Variants in SEPTIN7 observed in about 807,000 individuals in gnomAD.
SEPTIN7 encodes septin-7.
SEPTIN7 carries 10 observed loss-of-function variants against 63.3 expected under a neutral mutation model. That is an observed-to-expected ratio of 0.16 (90% CI 0.10 to 0.27). The LOEUF is 0.27. Among genes scored for constraint, SEPTIN7 ranks in the 10% least tolerant of loss-of-function variants. The probability of loss-of-function intolerance (pLI) is 1.00; values close to 1 mark genes in which losing one functional copy is unlikely to be tolerated. For missense variants in SEPTIN7, 310 were observed against 521.0 expected (o/e 0.59, Z 3.94); for synonymous variants, 131 against 165.3 (o/e 0.79, Z 1.59).
At chr7:35,809,005 T>C (rs1788533706) in intron 1 of SEPTIN7, among the ~76,000 whole-genome samples, 1 of 152,240 alleles carries the variant, frequency 6.6e-6, no homozygotes, top group African/African-American at 2.4e-5. Flanking sequence ...AGTTGTAGTA[T>C]TGACATTGTC....
At chr7:35,889,405 A>G (rs1309302596) in intron 10 of SEPTIN7, among the ~76,000 whole-genome samples, 1 of 152,212 alleles carries the variant, frequency 6.6e-6, no homozygotes, top group Non-Finnish European at 1.5e-5. Context: ...AGAGAATTGC[A>G]TGGAAATGTC....
intron 3 of SEPTIN7, among the ~76,000 whole-genome samples, chr7:35,833,725 A>G (rs1783945980): frequency 6.6e-6 from 1 of 152,050 alleles, no homozygotes; most frequent in South Asian, 2.1e-4. Context: ...CTTAACAAAG[A>G]AAGTTGAGTT....
In SEPTIN7 at chr7:35,838,289, CT is replaced by C. The variant is rs1784192543; in HGVS notation, c.169+5391del. On this transcript the variant is annotated intron_variant, in intron 3 of 13. Transcript: ENST00000350320. The stretch of plus-strand genomic sequence containing the variant: ...CCTTCCTTCCTTCCTTCCTTCCTTC[CT>C]TCCTTCCTTCCTTCCCTCCCTCCCT... Among the ~76,000 whole-genome samples the C allele has an allele frequency of 5.1e-4, 8 of 15,784 alleles. 1 individual carries two copies. The highest frequency in any genetic ancestry group is 4.2e-3 in the Admixed American group (8 of 1,904). The allele number at this position is 15,784 out of a possible 152,430, so 10.4% of individuals were successfully genotyped here.
At chr7:35,805,290 T>C (rs1296460943) in intron 1 of SEPTIN7, among the ~76,000 whole-genome samples, 3 of 152,208 alleles carry the variant, frequency 2.0e-5, no homozygotes, top group Non-Finnish European at 1.5e-5. Context: ...AGTAATCTTA[T>C]GGGACTACTG....
At chr7:35,823,589 T>A (rs1320013675) in intron 1 of SEPTIN7, among the ~76,000 whole-genome samples, 2 of 152,214 alleles carry the variant, frequency 1.3e-5, no homozygotes, top group East Asian at 3.8e-4. Flanking sequence ...TCTGTATTTG[T>A]CATCTCTCTT....
In SEPTIN7 at chr7:35,873,788, A is replaced by G. The variant is rs777859213; in HGVS notation, c.512+13A>G. The stretch of plus-strand genomic sequence containing the variant: ...CTTCAGGACATGGGTCAGTACCTTG[A>G]TACTTCTGATTCCTTTTTTGTTGTT... On this transcript the variant is annotated intron_variant, in intron 6 of 13. Transcript: ENST00000350320. 1 of 1,605,914 alleles carries G rather than the reference A, an allele frequency of 6.2e-7. No homozygotes were observed. The highest frequency in any genetic ancestry group is 1.7e-5 in the Admixed American group (1 of 59,156).
At chr7:35,890,279 A>G (rs772499116) in intron 10 of SEPTIN7, among the ~76,000 whole-genome samples, 2 of 152,166 alleles carry the variant, frequency 1.3e-5, no homozygotes, top group Non-Finnish European at 2.9e-5. Flanking sequence ...ATATTACCTT[A>G]GTAATATTGC....
intron 6 of SEPTIN7, among the ~76,000 whole-genome samples, chr7:35,876,034 G>A (rs190269457): frequency 6.6e-6 from 1 of 152,230 alleles, no homozygotes; most frequent in East Asian, 1.9e-4. Flanking sequence ...GTTTTCTGTT[G>A]CTGACATTTT....
intron 1 of SEPTIN7, among the ~76,000 whole-genome samples, chr7:35,822,591 A>G (rs1481512526): frequency 1.3e-5 from 2 of 152,152 alleles, no homozygotes; most frequent in African/African-American, 2.4e-5. Context: ...AGATACAGAT[A>G]AAGCTTCAGT....
chr7:35,875,774 C>T (rs1786438364), intron 6 of SEPTIN7, among the ~76,000 whole-genome samples: 1 of 151,754 alleles, frequency 6.6e-6, no homozygotes, highest in East Asian at 1.9e-4. Flanking sequence ...TTCTCTTATA[C>T]ATACATACAT....
chr7:35,881,555 A>AT (rs962495156), intron 7 of SEPTIN7, among the ~76,000 whole-genome samples: 17 of 146,878 alleles, frequency 1.2e-4, no homozygotes, highest in East Asian at 2.0e-4. Flanking sequence ...GTGTGGTCCT[A>AT]TTTTTTTTCA....
At chr7:35,850,540 T>C in intron 3 of SEPTIN7, among the ~76,000 whole-genome samples, 1 of 152,216 alleles carries the variant, frequency 6.6e-6, no homozygotes, top group South Asian at 2.1e-4. Context: ...ATACAATTGC[T>C]ATAAAATGGT....
At chr7:35,821,530 C>T (rs574483476) in intron 1 of SEPTIN7, among the ~76,000 whole-genome samples, 2 of 152,086 alleles carry the variant, frequency 1.3e-5, no homozygotes, top group Admixed American at 6.5e-5. Flanking sequence ...AAAATTGTTA[C>T]AATTTTTTAC....
At chr7:35,816,622 T>C (rs1789087661) in intron 1 of SEPTIN7, among the ~76,000 whole-genome samples, 1 of 152,160 alleles carries the variant, frequency 6.6e-6, no homozygotes, top group South Asian at 2.1e-4. Flanking sequence ...CATAGTGTAG[T>C]GTAACTCTAG....
intron 3 of SEPTIN7, among the ~76,000 whole-genome samples, chr7:35,846,233 A>G (rs902201680): frequency 5.3e-5 from 8 of 152,172 alleles, no homozygotes; most frequent in Non-Finnish European, 7.4e-5. Context: ...CTAATTTTCA[A>G]TGGCTGAATA....
intron 1 of SEPTIN7, among the ~76,000 whole-genome samples, chr7:35,804,532 TTAA>T (rs1788200036): frequency 6.6e-6 from 1 of 152,232 alleles, no homozygotes; most frequent in African/African-American, 2.4e-5. Context: ...GTTCAAAATC[TTAA>T]TAATGATTTA....
intron 1 of SEPTIN7, among the ~76,000 whole-genome samples, chr7:35,827,687 C>T (rs140659009): frequency 1.2e-4 from 19 of 152,222 alleles, no homozygotes; most frequent in African/African-American, 3.4e-4. Context: ...GACAGGGTTT[C>T]ACCATGTTGG....
At chr7:35,838,296 CCT>C (rs1784197842) in intron 3 of SEPTIN7, among the ~76,000 whole-genome samples, 3 of 10,230 alleles carry the variant, frequency 2.9e-4, no homozygotes, top group African/African-American at 1.4e-3. Flanking sequence ...TTCCTTCCTT[CCT>C]TCCTTCCCTC....
chr7:35,871,489 GC>G (rs1786146966), intron 4 of SEPTIN7, among the ~76,000 whole-genome samples: 1 of 152,216 alleles, frequency 6.6e-6, no homozygotes, highest in Non-Finnish European at 1.5e-5. Flanking sequence ...GTGTTCAGTT[GC>G]TGCTCATAAT....
Sources: gnomAD v4.1 joint callset for allele counts (sites outside exome capture counted in the v4.1 genomes callset) on GRCh38, gnomAD v4.1.1 for gene constraint, MANE v1.5 for transcripts, NCBI Gene and HGNC (gene_info 2026-07-23, HGNC 2026-07-21) for gene names.